The following GBE1 variants were observed in gnomAD, a reference collection of about 807,000 sequenced individuals.
GBE1 encodes 1,4-alpha-glucan branching enzyme 1.
A neutral mutation model predicts 88.8 loss-of-function variants in GBE1; 70 were observed. The observed-to-expected ratio is 0.79, with a 90% CI of 0.65 to 0.96. The LOEUF is 0.96. Among genes scored for constraint, GBE1 ranks in the 40% least tolerant of loss-of-function variants. GBE1 has a pLI of 0.00. For synonymous variants in GBE1, 284 were observed against 300.1 expected, an observed-to-expected ratio of 0.95 and a Z score of 0.56; for missense variants, 872 against 871.0, an observed-to-expected ratio of 1.00 and a Z score of -0.01.
intron 1 of GBE1, among the ~76,000 whole-genome samples, chr3:81,714,007 A>G (rs1241624533): frequency 1.3e-5 from 2 of 152,194 alleles, no homozygotes; most frequent in African/African-American, 4.8e-5. Context: ...AGACCGTAGA[A>G]GAGAAAGCAA....
chr3:81,702,385 A>G (rs1050913516), intron 2 of GBE1, among the ~76,000 whole-genome samples: 3 of 152,048 alleles, frequency 2.0e-5, no homozygotes, highest in Admixed American at 6.6e-5. Context: ...TTGAGATCCC[A>G]TTCACAAAGA....
In GBE1 at chr3:81,704,170, T is replaced by G. The variant is rs112578091; in HGVS notation, c.313+1274A>C. Among the ~76,000 whole-genome samples the G allele has an allele frequency of 3.1e-3, 477 of 152,010 alleles. 1 individual carries two copies. Among genetic ancestry groups the G allele is most frequent in the Non-Finnish European group, 5.1e-3 (348 of 67,924 alleles). ...ATTTTATATACTAGGTAAATATAAT[T>G]TATTATTAAATTTTACTCTACTGTT... is the stretch of plus-strand genomic sequence containing the variant. On this transcript the variant is annotated intron_variant, in intron 2 of 15. Transcript: ENST00000429644.
At chr3:81,748,478 G>C (rs957026964) in intron 1 of GBE1, among the ~76,000 whole-genome samples, 2 of 151,544 alleles carry the variant, frequency 1.3e-5, no homozygotes, top group African/African-American at 2.4e-5. Flanking sequence ...GGGTGTGGTG[G>C]CGGGCGCCTG....
At chr3:81,708,168 G>A (rs1425468741) in intron 1 of GBE1, among the ~76,000 whole-genome samples, 1 of 151,862 alleles carries the variant, frequency 6.6e-6, no homozygotes, top group South Asian at 2.1e-4. Context: ...ATAGATCTAT[G>A]GAGAAAAACT....
At chr3:81,652,143 T>C (rs1261765094) in intron 3 of GBE1, among the ~76,000 whole-genome samples, 1 of 152,208 alleles carries the variant, frequency 6.6e-6, no homozygotes, top group Non-Finnish European at 1.5e-5. Flanking sequence ...AAAGAAGGGA[T>C]TCTCCAGGCT....
At chr3:81,750,325 G>A (rs1706479080) in intron 1 of GBE1, among the ~76,000 whole-genome samples, 1 of 151,370 alleles carries the variant, frequency 6.6e-6, no homozygotes, top group African/African-American at 2.4e-5. Context: ...AAGCTTGTGT[G>A]TAGTTACGTA....
intron 3 of GBE1, among the ~76,000 whole-genome samples, chr3:81,660,604 T>C (rs1418615523): frequency 6.6e-6 from 1 of 152,004 alleles, no homozygotes; most frequent in Admixed American, 6.6e-5. Flanking sequence ...TTAAAAAAAA[T>C]TATATGTTCA....
At chr3:81,638,445 C>T (rs1704623054) in intron 7 of GBE1, among the ~76,000 whole-genome samples, 2 of 152,212 alleles carry the variant, frequency 1.3e-5, no homozygotes, top group East Asian at 3.9e-4. Flanking sequence ...TTAAATCCAA[C>T]AAGTTTTCAT....
In GBE1 at chr3:81,670,913, A is replaced by G. The variant is rs780234802; in HGVS notation, c.354T>C (p.Asp118=). 1 of 1,574,652 alleles carries G rather than the reference A, an allele frequency of 6.4e-7. No individual in the cohort carries two copies. The highest frequency in any genetic ancestry group is 1.2e-5 in the South Asian group (1 of 82,664). ...NPFSYPYKKL[D]YGKWELYIPP... is the part of the protein sequence containing the mutation. ...GGATATACAGCTCCCATTTTCCATAATCCAGTTTTTTGTATGGGTACGAAA... is the reference window on the plus strand; with the variant it reads ...GGATATACAGCTCCCATTTTCCATAGTCCAGTTTTTTGTATGGGTACGAAA... Residue 118 remains aspartate, a synonymous_variant, in exon 3 of 16, where the codon GAT becomes GAC. Transcript: ENST00000429644.
intron 1 of GBE1, among the ~76,000 whole-genome samples, chr3:81,709,263 G>A (rs1705820254): frequency 6.6e-6 from 1 of 152,094 alleles, no homozygotes; most frequent in Admixed American, 6.6e-5. Context: ...ATGCAGGCCT[G>A]ATGGAATACC....
chr3:81,618,261 G>T (rs1343035860), intron 7 of GBE1, among the ~76,000 whole-genome samples: 1 of 152,080 alleles, frequency 6.6e-6, no homozygotes, highest in Non-Finnish European at 1.5e-5. Flanking sequence ...TAATAAACTT[G>T]TAAGAAATAT....
rs183469191 is a variant in GBE1 at position 81,733,381 on chromosome 3, T to G, written c.144-27768A>C. ...ATAATTATTTCATTATATATTACAA[T>G]GTAATAAAATAGAAATAAAGTGCAC... On this transcript the variant is annotated intron_variant, in intron 1 of 15. Coordinates refer to ENST00000429644, the MANE Select transcript of GBE1 (RefSeq NM_000158.4). This position sits in a 1 kb window ranked among gnomAD's most constrained non-coding sequence, Gnocchi z 4.0. Among the ~76,000 whole-genome samples the G allele has an allele frequency of 1.6e-4, 24 of 152,182 alleles. No individual in the cohort carries two copies. Among genetic ancestry groups the G allele is most frequent in the Admixed American group, 1.2e-3 (18 of 15,258 alleles).
intron 14 of GBE1, among the ~76,000 whole-genome samples, chr3:81,525,107 T>C (rs1193256510): frequency 6.6e-6 from 1 of 151,876 alleles, no homozygotes; most frequent in Non-Finnish European, 1.5e-5. Context: ...TTTTATTCCA[T>C]TTTGGTCAGA....
At chr3:81,544,572 G>C (rs1212833363) in intron 12 of GBE1, among the ~76,000 whole-genome samples, 2 of 152,028 alleles carry the variant, frequency 1.3e-5, no homozygotes, top group East Asian at 3.9e-4. Flanking sequence ...GAAAACTTTG[G>C]CTAAACCTTA....
chr3:81,511,490 A>C (rs531605342), intron 14 of GBE1, among the ~76,000 whole-genome samples: 2 of 152,108 alleles, frequency 1.3e-5, no homozygotes, highest in South Asian at 4.1e-4. Context: ...CAACAAGCGA[A>C]AACCAAATAA....
chr3:81,728,600 T>C (rs1347662689), intron 1 of GBE1, among the ~76,000 whole-genome samples: 1 of 151,794 alleles, frequency 6.6e-6, no homozygotes, highest in Non-Finnish European at 1.5e-5. Flanking sequence ...CAATGGATTA[T>C]ACAACAAAAA....
At chr3:81,720,140 A>G (rs1324223720) in intron 1 of GBE1, among the ~76,000 whole-genome samples, 6 of 152,108 alleles carry the variant, frequency 3.9e-5, no homozygotes. Flanking sequence ...CTTTACTGAG[A>G]GAGACAAAGG....
chr3:81,506,794 TA>T (rs1702660118), intron 14 of GBE1, among the ~76,000 whole-genome samples: 1 of 152,162 alleles, frequency 6.6e-6, no homozygotes, highest in African/African-American at 2.4e-5. Context: ...TGGAGGCCAT[TA>T]TCCTTAGCAA....
intron 12 of GBE1, among the ~76,000 whole-genome samples, chr3:81,568,620 G>A (rs1194412146): frequency 6.6e-6 from 1 of 152,130 alleles, no homozygotes; most frequent in Non-Finnish European, 1.5e-5. Flanking sequence ...TACGGAATGT[G>A]TACTTAGTAA....
Sources: gnomAD v4.1 joint callset for allele counts (sites outside exome capture counted in the v4.1 genomes callset) on GRCh38, gnomAD v4.1.1 for gene constraint, Gnocchi (gnomAD v3.1) non-coding constraint, MANE v1.5 for transcripts, NCBI Gene and HGNC (gene_info 2026-07-23, HGNC 2026-07-21) for gene names.